Variants in GPC6 observed in about 807,000 individuals in gnomAD.
GPC6 encodes glypican 6.
GPC6 carries 14 observed loss-of-function variants against 55.2 expected under a neutral mutation model. That is an observed-to-expected ratio of 0.25 (90% CI 0.17 to 0.40). GPC6 has a LOEUF of 0.40. GPC6 is among the 10% of genes least tolerant of loss of function. The pLI, the probability that GPC6 is intolerant of heterozygous loss-of-function variation, is 1.00. For synonymous variants in GPC6, 278 were observed against 259.6 expected, an observed-to-expected ratio of 1.07 and a Z score of -0.68; for missense variants, 641 against 708.5, an observed-to-expected ratio of 0.90 and a Z score of 1.08.
intron 4 of GPC6, among the ~76,000 whole-genome samples, chr13:94,157,043 T>G (rs890631611): frequency 6.6e-6 from 1 of 152,134 alleles, no homozygotes; most frequent in Admixed American, 6.6e-5. Context: ...GACGTGGATA[T>G]AAGGTGGTCA....
At chr13:93,254,103 A>G (rs1876872902) in intron 1 of GPC6, among the ~76,000 whole-genome samples, 1 of 152,180 alleles carries the variant, frequency 6.6e-6, no homozygotes, top group Non-Finnish European at 1.5e-5. Context: ...TTGAAGGATC[A>G]CTTGAGGCCA....
chr13:94,103,206 G>A (rs1330870432), intron 4 of GPC6, among the ~76,000 whole-genome samples: 1 of 152,156 alleles, frequency 6.6e-6, no homozygotes, highest in Non-Finnish European at 1.5e-5. Flanking sequence ...TCCCTACAAA[G>A]GACATGAACT....
chr13:93,651,615 C>T (rs1019413780), intron 2 of GPC6, among the ~76,000 whole-genome samples: 1 of 152,124 alleles, frequency 6.6e-6, no homozygotes, highest in Non-Finnish European at 1.5e-5. Context: ...TTAACATAAT[C>T]CATACAACTA....
At chr13:93,658,019 G>C (rs1193592285) in intron 2 of GPC6, among the ~76,000 whole-genome samples, 6 of 151,976 alleles carry the variant, frequency 3.9e-5, no homozygotes, top group African/African-American at 7.2e-5. Flanking sequence ...AATTAGTTCA[G>C]CCACTGCAGA....
chr13:93,501,054 A>G (rs1017982354), intron 1 of GPC6, among the ~76,000 whole-genome samples: 2 of 152,144 alleles, frequency 1.3e-5, no homozygotes, highest in Non-Finnish European at 2.9e-5. Flanking sequence ...CGAGAACTTT[A>G]TTCTAAATAT....
chr13:93,371,250 T>C (rs977960873), intron 1 of GPC6, among the ~76,000 whole-genome samples: 2 of 152,044 alleles, frequency 1.3e-5, no homozygotes, highest in East Asian at 3.9e-4. Flanking sequence ...TTGGGGGTAG[T>C]ATAGCCTTCC....
At position 94,270,427 on chromosome 13, in the gene GPC6, A is replaced by T. The variant is rs536306948; in HGVS notation, c.878-15922A>T. On this transcript the variant is annotated intron_variant, in intron 4 of 8. Coordinates refer to ENST00000377047, the MANE Select transcript of GPC6 (RefSeq NM_005708.5). ...AAAAGGATGCTTTCATAGAATAATGAGGGGAGTATCTAACTATATTGCTAT... is the reference window on the plus strand; with the variant it reads ...AAAAGGATGCTTTCATAGAATAATGTGGGGAGTATCTAACTATATTGCTAT... 4.6e-5 allele frequency among the ~76,000 whole-genome samples: 7 copies of T among 152,336 alleles called. No homozygotes were observed. In the South Asian group the frequency reaches 1.4e-3, roughly 32 times the overall value.
chr13:93,267,872 A>C (rs537347305), intron 1 of GPC6, among the ~76,000 whole-genome samples: 1 of 152,168 alleles, frequency 6.6e-6, no homozygotes, highest in Admixed American at 6.5e-5. Flanking sequence ...ATATGCTTAG[A>C]TGGGCAGACA....
chr13:93,702,464 T>C (rs1019008623), intron 2 of GPC6, among the ~76,000 whole-genome samples: 2 of 152,000 alleles, frequency 1.3e-5, no homozygotes, highest in South Asian at 2.1e-4. Flanking sequence ...TAAGTGAGCA[T>C]TGGCTTCAAC....
chr13:93,397,370 CTG>C (rs1161064764), intron 1 of GPC6, among the ~76,000 whole-genome samples: 3 of 152,130 alleles, frequency 2.0e-5, no homozygotes, highest in Non-Finnish European at 4.4e-5. Flanking sequence ...TGATATCTCA[CTG>C]TGGTTTTTAT....
chr13:93,744,848 G>A (rs1259130208), intron 2 of GPC6, among the ~76,000 whole-genome samples: 1 of 151,688 alleles, frequency 6.6e-6, no homozygotes, highest in African/African-American at 2.4e-5. Context: ...CAGGAGAATT[G>A]CCTGAACCCA....
At chr13:93,922,495 G>T (rs1346667575) in intron 3 of GPC6, among the ~76,000 whole-genome samples, 1 of 152,062 alleles carries the variant, frequency 6.6e-6, no homozygotes, top group Non-Finnish European at 1.5e-5. Flanking sequence ...TTGTCATTTT[G>T]GGGGAGATAA....
chr13:93,403,711 C>G (rs1430014974), intron 1 of GPC6, among the ~76,000 whole-genome samples: 1 of 152,106 alleles, frequency 6.6e-6, no homozygotes, highest in Admixed American at 6.6e-5. Context: ...CAGCTTGGCT[C>G]GCTCATGCCT....
intron 2 of GPC6, among the ~76,000 whole-genome samples, chr13:93,755,605 T>C (rs948399294): frequency 6.6e-6 from 1 of 152,170 alleles, no homozygotes; most frequent in African/African-American, 2.4e-5. Flanking sequence ...GTGTCAATAG[T>C]TGGTTTTAGA....
At position 94,030,723 on chromosome 13, in the gene GPC6, A is replaced by T. The variant is rs568850173; in HGVS notation, c.877+2829A>T. Among the ~76,000 whole-genome samples, 8 of 152,226 alleles carry T rather than the reference A, an allele frequency of 5.3e-5. No individual in the cohort carries two copies. In the South Asian group the frequency reaches 1.7e-3, roughly 32 times the overall value. On this transcript the variant is annotated intron_variant, in intron 4 of 8. Coordinates refer to ENST00000377047, the MANE Select transcript of GPC6 (RefSeq NM_005708.5). ...GTTGCATGTACCTTCCCTGCTAGCT[A>T]CACAAATGTCCCAGTTTGTACATCT...
intron 2 of GPC6, among the ~76,000 whole-genome samples, chr13:93,773,575 T>C (rs1005913363): frequency 1.3e-5 from 2 of 152,160 alleles, no homozygotes; most frequent in Non-Finnish European, 2.9e-5. Flanking sequence ...GGTTCCTGTG[T>C]AGTTTTAAGT....
At chr13:93,511,312 T>C (rs921171830) in intron 1 of GPC6, among the ~76,000 whole-genome samples, 8 of 151,766 alleles carry the variant, frequency 5.3e-5, no homozygotes, top group African/African-American at 1.9e-4. Flanking sequence ...CTAGTATTTT[T>C]ATAGTTTCAG....
intron 4 of GPC6, among the ~76,000 whole-genome samples, chr13:94,100,821 A>T (rs1209336971): frequency 6.6e-6 from 1 of 152,210 alleles, no homozygotes; most frequent in African/African-American, 2.4e-5. Context: ...TAATGATAAT[A>T]ATTTCTTTGG....
chr13:94,168,632 T>G (rs1285551848), intron 4 of GPC6, among the ~76,000 whole-genome samples: 1 of 149,414 alleles, frequency 6.7e-6, no homozygotes, highest in Admixed American at 6.7e-5. Context: ...ATATTTATTA[T>G]ATTTTATCTA....
Sources: allele counts gnomAD v4.1 joint callset (sites outside exome capture counted in the v4.1 genomes callset), GRCh38; gene constraint gnomAD v4.1.1; transcripts MANE v1.5; gene names NCBI Gene and HGNC (gene_info 2026-07-23, HGNC 2026-07-21).